Variants in HPSE2 observed in about 807,000 individuals in gnomAD.
The protein encoded by HPSE2 is inactive heparanase-2.
Under a neutral mutation model 60.5 loss-of-function variants are expected in HPSE2, and 38 were observed. That is an observed-to-expected ratio of 0.63 (90% confidence interval 0.48 to 0.82). The LOEUF (loss-of-function observed/expected upper bound fraction) is 0.82. Ranked by LOEUF, HPSE2 falls within the 40% of genes least tolerant of loss-of-function variation. The pLI is 0.00. For missense variants in HPSE2, 713 were observed against 740.4 expected, an observed-to-expected ratio of 0.96 and a Z score of 0.43; for synonymous variants, 295 against 293.2, an observed-to-expected ratio of 1.01 and a Z score of -0.06.
intron 2 of HPSE2, among the ~76,000 whole-genome samples, chr10:99,228,774 A>G (rs1209068362): frequency 6.6e-6 from 1 of 152,246 alleles, no homozygotes; most frequent in African/African-American, 2.4e-5. Flanking sequence ...TTACAAAGTT[A>G]GAGAAAATAC....
chr10:99,068,097 C>T (rs1269987377), intron 3 of HPSE2, among the ~76,000 whole-genome samples: 1 of 152,172 alleles, frequency 6.6e-6, no homozygotes, highest in East Asian at 1.9e-4. Context: ...TCAGCCTGAA[C>T]CTTCTTGCCC....
At chr10:99,103,239 G>A (rs866445307) in intron 3 of HPSE2, among the ~76,000 whole-genome samples, 20 of 152,284 alleles carry the variant, frequency 1.3e-4, no homozygotes, top group African/African-American at 3.6e-4. Flanking sequence ...AAACCCCATT[G>A]TCTCAGCCAA....
At chr10:98,617,460 T>C (rs1452878137) in intron 8 of HPSE2, among the ~76,000 whole-genome samples, 4 of 152,196 alleles carry the variant, frequency 2.6e-5, no homozygotes, top group Non-Finnish European at 5.9e-5. Context: ...TACTAGTGTA[T>C]AGGAAGATAT....
chr10:98,872,009 C>G (rs1952744958), intron 3 of HPSE2, among the ~76,000 whole-genome samples: 1 of 152,126 alleles, frequency 6.6e-6, no homozygotes, highest in African/African-American at 2.4e-5. Context: ...TATATCCCAC[C>G]TCTATCCAGA....
In HPSE2 at chr10:98,936,969, A is replaced by G. The variant is rs1954812889; in HGVS notation, c.611-192913T>C. Among the ~76,000 whole-genome samples, 2 of 98,612 alleles carry G rather than the reference A, an allele frequency of 2.0e-5. 1 individual carries two copies. The highest frequency in any genetic ancestry group is 2.6e-4 in the Admixed American group (2 of 7,798). 64.7% of individuals were successfully genotyped at this position (98,612 alleles called of 152,430 possible). Reference sequence around the variant, plus strand: ...ACTCCAAACTGGGCGACAGTAGGAGACTCCATCTCAAAAAAAAAAAAAAAA... The same window carrying G: ...ACTCCAAACTGGGCGACAGTAGGAGGCTCCATCTCAAAAAAAAAAAAAAAA... On this transcript the variant is annotated intron_variant, in intron 3 of 11. Transcript: ENST00000370552.
chr10:98,865,838 T>C (rs548220438), intron 3 of HPSE2, among the ~76,000 whole-genome samples: 1 of 152,228 alleles, frequency 6.6e-6, no homozygotes, highest in South Asian at 2.1e-4. Context: ...GCCTCAGTTA[T>C]GGAGAATATT....
At chr10:99,110,225 G>A (rs1844406579) in intron 3 of HPSE2, among the ~76,000 whole-genome samples, 1 of 152,232 alleles carries the variant, frequency 6.6e-6, no homozygotes, top group Middle Eastern at 3.4e-3. Context: ...TTTAGGCTAG[G>A]TAGGCCCACT....
chr10:98,974,774 G>GT (rs1249731886), intron 3 of HPSE2, among the ~76,000 whole-genome samples: 1 of 151,980 alleles, frequency 6.6e-6, no homozygotes, highest in Non-Finnish European at 1.5e-5. Flanking sequence ...TATAAAAATT[G>GT]TATCACCTTA....
intron 3 of HPSE2, among the ~76,000 whole-genome samples, chr10:99,040,348 A>C (rs1957708873): frequency 6.6e-6 from 1 of 152,176 alleles, no homozygotes; most frequent in African/African-American, 2.4e-5. Context: ...AATGTATATT[A>C]ATATACTCAT....
chr10:99,280,453 T>G, the HPSE2 span, among the ~76,000 whole-genome samples: 1 of 152,172 alleles, frequency 6.6e-6, no homozygotes, highest in African/African-American at 2.4e-5. Flanking sequence ...AAAATGGGCA[T>G]TTTAGATTCA....
chr10:98,772,211 A>G (rs1275869239), intron 3 of HPSE2, among the ~76,000 whole-genome samples: 4 of 152,206 alleles, frequency 2.6e-5, no homozygotes. Flanking sequence ...TGACTGGCAG[A>G]CAGTTACACA....
At chr10:99,063,964 G>A (rs529729527) in intron 3 of HPSE2, among the ~76,000 whole-genome samples, 2 of 152,060 alleles carry the variant, frequency 1.3e-5, no homozygotes, top group South Asian at 2.1e-4. Flanking sequence ...ATGGTGGCAC[G>A]TGCCTGTAAT....
At chr10:99,057,506 C>T (rs761260814) in intron 3 of HPSE2, among the ~76,000 whole-genome samples, 30 of 152,248 alleles carry the variant, frequency 2.0e-4, no homozygotes, top group Middle Eastern at 3.4e-3. Context: ...CCTTAACCAC[C>T]GCCCAACAAT....
chr10:99,098,919 G>A (rs1843826401), intron 3 of HPSE2, among the ~76,000 whole-genome samples: 1 of 152,100 alleles, frequency 6.6e-6, no homozygotes, highest in Non-Finnish European at 1.5e-5. Flanking sequence ...TAATATAAGA[G>A]AAAAACAATG....
the HPSE2 span, among the ~76,000 whole-genome samples, chr10:99,247,781 T>C: frequency 6.6e-6 from 1 of 152,010 alleles, no homozygotes; most frequent in Non-Finnish European, 1.5e-5. Flanking sequence ...TGGTGAGAGG[T>C]GATTGGACCA....
intron 3 of HPSE2, among the ~76,000 whole-genome samples, chr10:99,028,030 C>T (rs546238701): frequency 1.3e-5 from 2 of 152,050 alleles, no homozygotes; most frequent in Non-Finnish European, 2.9e-5. Context: ...TACACCAGAC[C>T]CACAGCTAGT....
chr10:98,730,939 T>C (rs949519038), intron 4 of HPSE2, among the ~76,000 whole-genome samples: 3 of 152,146 alleles, frequency 2.0e-5, no homozygotes, highest in African/African-American at 7.2e-5. Context: ...AGGGAACACT[T>C]TTCAACTTAT....
At chr10:99,209,102 A>C (rs1324013268) in intron 2 of HPSE2, among the ~76,000 whole-genome samples, 1 of 152,212 alleles carries the variant, frequency 6.6e-6, no homozygotes, top group Non-Finnish European at 1.5e-5. Flanking sequence ...AAAATTAATA[A>C]GGAAAAACTG....
At chr10:99,005,576 T>C (rs138212205) in intron 3 of HPSE2, among the ~76,000 whole-genome samples, 1 of 152,288 alleles carries the variant, frequency 6.6e-6, no homozygotes, top group East Asian at 1.9e-4. Flanking sequence ...CATACAATTT[T>C]TTTCTGTATT....
Sources: allele counts gnomAD v4.1 joint callset (sites outside exome capture counted in the v4.1 genomes callset), GRCh38; gene constraint gnomAD v4.1.1; transcripts MANE v1.5; gene names NCBI Gene and HGNC (gene_info 2026-07-23, HGNC 2026-07-21).